The following LPIN1 variants were observed in gnomAD, a reference collection of about 807,000 sequenced individuals.
The protein encoded by LPIN1 is phosphatidate phosphatase LPIN1.
LPIN1 carries 71 observed loss-of-function variants against 107.5 expected under a neutral mutation model. That is an observed-to-expected ratio of 0.66 (90% CI 0.55 to 0.80). The LOEUF is 0.80. LPIN1 is among the 30% of genes least tolerant of loss of function. The pLI is 0.00. For missense variants in LPIN1, 1,043 were observed against 1,160.6 expected, an observed-to-expected ratio of 0.90 and a Z score of 1.47; for synonymous variants, 445 against 452.6, an observed-to-expected ratio of 0.98 and a Z score of 0.21.
At chr2:11,764,446 T>C (rs1331777931) in intron 1 of LPIN1, among the ~76,000 whole-genome samples, 2 of 152,230 alleles carry the variant, frequency 1.3e-5, no homozygotes, top group East Asian at 3.9e-4. Flanking sequence ...TATGCCCCGC[T>C]AGTTCCTTGT....
At chr2:11,711,395 AC>A (rs1663407649) in intron 1 of LPIN1, among the ~76,000 whole-genome samples, 1 of 152,186 alleles carries the variant, frequency 6.6e-6, no homozygotes, top group South Asian at 2.1e-4. Context: ...CAATGGCCTT[AC>A]CCCTGCTACC....
chr2:11,809,364 C>T (rs910718886), intron 17 of LPIN1, among the ~76,000 whole-genome samples: 2 of 152,032 alleles, frequency 1.3e-5, no homozygotes, highest in African/African-American at 2.4e-5. Context: ...TCTAGGTATG[C>T]GGTGTCCCAA....
intron 1 of LPIN1, among the ~76,000 whole-genome samples, chr2:11,761,144 T>A (rs1669757997): frequency 6.6e-6 from 1 of 150,668 alleles, no homozygotes; most frequent in Non-Finnish European, 1.5e-5. Flanking sequence ...TACAAAGATG[T>A]TATTAATACT....
At chr2:11,688,447 G>C (rs1558718309) in intron 1 of LPIN1, among the ~76,000 whole-genome samples, 1 of 152,220 alleles carries the variant, frequency 6.6e-6, no homozygotes, top group East Asian at 1.9e-4. Flanking sequence ...GAGACTCTCT[G>C]CATGGCAGTG....
At chr2:11,818,197 C>T (rs185486362) in intron 18 of LPIN1, 1 of 152,178 alleles carries the variant, frequency 6.6e-6, no homozygotes, top group South Asian at 2.1e-4. Context: ...CAAATTTCAT[C>T]AAAACACCCA....
rs554831480 is a variant in LPIN1, at chr2:11,803,219, A to G, written c.2013+186A>G. The stretch of plus-strand genomic sequence containing the variant: ...CAGCACTATCCAGGCTGGGTCCCCA[A>G]TATGACCTTGCCTTTTGTCTTCTCC... On this transcript the variant is annotated intron_variant, in intron 15 of 20. Transcript: ENST00000674199. This position sits in a 1 kb window ranked among gnomAD's most constrained non-coding sequence, Gnocchi z 4.2. Among the ~76,000 whole-genome samples, 8 of 152,148 alleles carry G rather than the reference A, an allele frequency of 5.3e-5. No individual in the cohort carries two copies. The highest frequency in any genetic ancestry group is 7.4e-5 in the Non-Finnish European group (5 of 68,020).
At chr2:11,770,871 GT>G (rs1446575748) in intron 3 of LPIN1, among the ~76,000 whole-genome samples, 1 of 152,070 alleles carries the variant, frequency 6.6e-6, no homozygotes, top group Non-Finnish European at 1.5e-5. Flanking sequence ...GCTATCGGTT[GT>G]TTTACGTGTT....
intron 18 of LPIN1, 115 bp downstream of exon 18, chr2:11,815,355 G>T: frequency 7.8e-7 from 1 of 1,276,276 alleles, no homozygotes; most frequent in Non-Finnish European, 1.1e-6. Context: ...CAATATCCAT[G>T]CTCCATAGCA....
chr2:11,740,720 A>C (rs1440672352), intron 1 of LPIN1, among the ~76,000 whole-genome samples: 3 of 142,998 alleles, frequency 2.1e-5, no homozygotes, highest in East Asian at 3.9e-4. Flanking sequence ...AAGAAAGAAA[A>C]GAAAAGAAAG....
intron 1 of LPIN1, among the ~76,000 whole-genome samples, chr2:11,711,676 C>G (rs1294384673): frequency 3.9e-5 from 6 of 152,188 alleles, no homozygotes; most frequent in Admixed American, 3.3e-4. Flanking sequence ...CCTGGTGATT[C>G]CATCATGTGG....
intron 11 of LPIN1, 129 bp from the exon 12 acceptor site, chr2:11,788,258 G>T (rs1675017739): frequency 1.4e-6 from 1 of 702,014 alleles, no homozygotes; most frequent in African/African-American, 1.8e-5. Context: ...CTGGGGGCTA[G>T]CAAGAGTATT....
chr2:11,756,870 C>T (rs1388419131), intron 1 of LPIN1, among the ~76,000 whole-genome samples: 1 of 152,106 alleles, frequency 6.6e-6, no homozygotes, highest in East Asian at 1.9e-4. Context: ...GATGGTATTC[C>T]AGTGGGATGT....
At chr2:11,776,335 A>C (rs1441796233) in intron 6 of LPIN1, 142 bp downstream of exon 6, 2 of 482,586 alleles carry the variant, frequency 4.1e-6, no homozygotes, top group Non-Finnish European at 7.4e-6. Context: ...ATTTTGATTT[A>C]ACTTTTACAA....
rs2148520961 is a variant in LPIN1 at position 11,707,719 on chromosome 2, G to C, written c.82-6037G>C. Among the ~76,000 whole-genome samples the C allele has an allele frequency of 6.6e-6, 1 of 152,316 alleles. No homozygotes were observed. Among genetic ancestry groups the C allele is most frequent in the Admixed American group, 6.5e-5 (1 of 15,312 alleles). On this transcript the variant is annotated intron_variant, in intron 1 of 21. Coordinates refer to the LPIN1 transcript ENST00000449576. The surrounding 1 kb of genome is among the most constrained non-coding windows in gnomAD (Gnocchi z 4.2). ...TTTGCTTGTGACTGGATGTGGCTTG[G>C]GAGGGGAGAAAGGGAGTGGCTGGGG...
chr2:11,759,133 T>TCTTCTTTC (rs1553418372), intron 1 of LPIN1, among the ~76,000 whole-genome samples: 1 of 131,534 alleles, frequency 7.6e-6, no homozygotes, highest in Non-Finnish European at 1.6e-5. Flanking sequence ...GCTTTCTTTC[T>TCTTCTTTC]TTTCTTTCTT....
intron 1 of LPIN1, among the ~76,000 whole-genome samples, chr2:11,749,877 C>G (rs1383712893): frequency 6.6e-6 from 1 of 152,238 alleles, no homozygotes; most frequent in African/African-American, 2.4e-5. Flanking sequence ...ATTCTTGCAA[C>G]AACTTAAAAT....
rs59510408 is a variant in LPIN1 at position 11,725,259 on chromosome 2, T to TCAAAAACAAAAA, written c.-72+737_-72+748dup. Among the ~76,000 whole-genome samples, 602 of 151,148 alleles carry TCAAAAACAAAAA rather than the reference T, an allele frequency of 4.0e-3. 6 individuals are homozygous for TCAAAAACAAAAA. Among genetic ancestry groups the TCAAAAACAAAAA allele is most frequent in the African/African-American group, 0.014 (580 of 40,568 alleles). ...CTGGGGGACAGAGCGAGACTCCGTC[T>TCAAAAACAAAAA]CAAAAACAAAAACAAAAACAAAAAC... On this transcript the variant is annotated intron_variant, in intron 1 of 21. Coordinates refer to the LPIN1 transcript ENST00000396097.
At chr2:11,747,021 G>A (rs1003729968) in intron 1 of LPIN1, among the ~76,000 whole-genome samples, 19 of 152,214 alleles carry the variant, frequency 1.2e-4, no homozygotes, top group African/African-American at 4.6e-4. Context: ...GCGGGGACTA[G>A]CTCCAGCCGG....
In LPIN1 at chr2:11,788,387, A is replaced by T. The variant is rs778281949; in HGVS notation, c.1644A>T (p.Lys548Asn). The T allele has an allele frequency of 3.1e-6, 5 of 1,611,604 alleles. No individual in the cohort carries two copies. In the Admixed American group the frequency reaches 5.0e-5, roughly 16 times the overall value. Residue 548 changes from lysine (K) to asparagine (N), a missense_variant and splice_region_variant, in exon 12 of 21, where the codon AAA (lysine) becomes AAT (asparagine). Transcript: ENST00000674199. ...CATATATTTCATTGTTTTGTGTTAGATATTATAACTGGACAACAGCAGCAC... is the reference window on the plus strand; with the variant it reads ...CATATATTTCATTGTTTTGTGTTAGTTATTATAACTGGACAACAGCAGCAC... ...DPNLVVKIGS[K>N]YYNWTTAAPL... is the part of the protein sequence containing the mutation.
Sources: gnomAD v4.1 joint callset for allele counts (sites outside exome capture counted in the v4.1 genomes callset) on GRCh38, gnomAD v4.1.1 for gene constraint, Gnocchi (gnomAD v3.1) non-coding constraint, MANE v1.5 for transcripts, NCBI Gene and HGNC (gene_info 2026-07-23, HGNC 2026-07-21) for gene names.